SPMIP7: variants seen among roughly 807,000 people sequenced by gnomAD.
SPMIP7 encodes protein SPMIP7.
At chr7:50,124,003 A>T in the SPMIP7 span, among the ~76,000 whole-genome samples, 1 of 152,186 alleles carries the variant, frequency 6.6e-6, no homozygotes, top group Non-Finnish European at 1.5e-5. Flanking sequence ...GGCATACTTC[A>T]GTTATATAAA....
the SPMIP7 span, among the ~76,000 whole-genome samples, chr7:50,112,343 C>A: frequency 3.3e-5 from 5 of 151,966 alleles, no homozygotes; most frequent in African/African-American, 7.3e-5. Context: ...GTTTCTGGAC[C>A]TTGGCATGGT....
chr7:50,109,128 T>C, the SPMIP7 span, among the ~76,000 whole-genome samples: 56 of 152,294 alleles, frequency 3.7e-4, no homozygotes, highest in East Asian at 6.7e-3. Flanking sequence ...CCCATTAAGA[T>C]TGATTTATGA....
the SPMIP7 span, among the ~76,000 whole-genome samples, chr7:50,148,863 T>C: frequency 6.6e-6 from 1 of 152,106 alleles, no homozygotes; most frequent in Non-Finnish European, 1.5e-5. Context: ...AATATGGGGC[T>C]GGGCCGGGCA....
At chr7:50,111,374 TTGAC>T in the SPMIP7 span, among the ~76,000 whole-genome samples, 1 of 152,100 alleles carries the variant, frequency 6.6e-6, no homozygotes, top group Non-Finnish European at 1.5e-5. Flanking sequence ...GCACACAAGA[TTGAC>T]TGAACCAGAT....
the SPMIP7 span, among the ~76,000 whole-genome samples, chr7:50,116,632 A>G: frequency 6.6e-6 from 1 of 152,218 alleles, no homozygotes. Context: ...ATTATCTGGA[A>G]TGGAAACTTA....
chr7:50,113,737 T>C, the SPMIP7 span, among the ~76,000 whole-genome samples: 1 of 151,874 alleles, frequency 6.6e-6, no homozygotes, highest in South Asian at 2.1e-4. Flanking sequence ...AGAATAAAAG[T>C]GAGCTGAGAA....
the SPMIP7 span, among the ~76,000 whole-genome samples, chr7:50,152,685 T>C: frequency 6.6e-6 from 1 of 150,712 alleles, no homozygotes; most frequent in Admixed American, 6.6e-5. Flanking sequence ...TATTTATTTA[T>C]TTATTTATTT....
the SPMIP7 span, among the ~76,000 whole-genome samples, chr7:50,105,544 T>A: frequency 6.6e-6 from 1 of 152,304 alleles, no homozygotes; most frequent in East Asian, 1.9e-4. Context: ...ACCTCTCACA[T>A]ATTAACAGCT....
At chr7:50,134,973 G>A in the SPMIP7 span, among the ~76,000 whole-genome samples, 14 of 152,058 alleles carry the variant, frequency 9.2e-5, no homozygotes, top group Admixed American at 4.6e-4. Flanking sequence ...TCCCTGCCCC[G>A]TTCTCGTCTT....
the SPMIP7 span, among the ~76,000 whole-genome samples, chr7:50,125,225 TACAC>T: frequency 1.1e-5 from 1 of 91,118 alleles, no homozygotes; most frequent in Admixed American, 1.3e-4. Flanking sequence ...TACACATATA[TACAC>T]ATATATATAC....
the SPMIP7 span, chr7:50,117,354 C>A: frequency 4.9e-6 from 2 of 409,266 alleles, no homozygotes; most frequent in South Asian, 1.8e-5. Flanking sequence ...GTAGCAGCAG[C>A]AGCCAAATTG....
chr7:50,126,381 T>G, the SPMIP7 span, among the ~76,000 whole-genome samples: 2 of 92,648 alleles, frequency 2.2e-5, no homozygotes, highest in Admixed American at 1.3e-4. Context: ...ATATATCTGT[T>G]TTTTTTTTAA....
chr7:50,156,139 T>A, the SPMIP7 span, among the ~76,000 whole-genome samples: 1 of 152,202 alleles, frequency 6.6e-6, no homozygotes, highest in Non-Finnish European at 1.5e-5. Flanking sequence ...TGTGCTTTCA[T>A]AAGGACTGTG....
chr7:50,151,339 A>G, the SPMIP7 span: 1 of 887,166 alleles, frequency 1.1e-6, no homozygotes, highest in Non-Finnish European at 1.7e-6. Context: ...AAAAAAAATT[A>G]GACTGCATAT....
At chr7:50,151,531 C>A in the SPMIP7 span, 1 of 1,551,290 alleles carries the variant, frequency 6.4e-7, no homozygotes, top group Non-Finnish European at 8.7e-7. Flanking sequence ...CATCAACAAC[C>A]CCATCACCAG....
At chr7:50,154,205 G>A in the SPMIP7 span, among the ~76,000 whole-genome samples, 93 of 152,118 alleles carry the variant, frequency 6.1e-4, 1 homozygote, top group East Asian at 0.015. Flanking sequence ...ATTAATATCC[G>A]TCATCGCCAT....
chr7:50,132,149 G>C, the SPMIP7 span, among the ~76,000 whole-genome samples: 3 of 152,202 alleles, frequency 2.0e-5, no homozygotes, highest in African/African-American at 7.2e-5. Context: ...AAAAAGTCTT[G>C]TTCATCAGCC....
chr7:50,109,883 G>A, the SPMIP7 span, among the ~76,000 whole-genome samples: 1 of 152,034 alleles, frequency 6.6e-6, no homozygotes, highest in Non-Finnish European at 1.5e-5. Flanking sequence ...ATACAACATT[G>A]ACATTAATTT....
At chr7:50,145,273 A>G in the SPMIP7 span, among the ~76,000 whole-genome samples, 1 of 151,862 alleles carries the variant, frequency 6.6e-6, no homozygotes, top group East Asian at 1.9e-4. Context: ...ATGAAAAAAA[A>G]AAAGAATCCT....
Sources: allele counts gnomAD v4.1 joint callset (sites outside exome capture counted in the v4.1 genomes callset), GRCh38; gene constraint gnomAD v4.1.1; transcripts MANE v1.5; gene names NCBI Gene and HGNC (gene_info 2026-07-23, HGNC 2026-07-21).